ARHGAP26: variants seen among roughly 807,000 people sequenced by gnomAD.
ARHGAP26 encodes the protein Rho GTPase activating protein 26.
A neutral mutation model predicts 104.8 loss-of-function variants in ARHGAP26; 38 were observed. The ratio of observed to expected loss-of-function variants is 0.36; its 90% CI spans 0.28 to 0.48. The LOEUF is 0.48. ARHGAP26 is among the 20% of genes least tolerant of loss of function. The pLI is 0.99. For synonymous variants in ARHGAP26, 341 were observed against 340.0 expected (o/e 1.00, Z -0.03); for missense variants, 704 against 947.9 (o/e 0.74, Z 3.38).
At chr5:143,034,139 A>G (rs764725027) in intron 12 of ARHGAP26, among the ~76,000 whole-genome samples, 14 of 152,210 alleles carry the variant, frequency 9.2e-5, no homozygotes, top group Non-Finnish European at 1.8e-4. Flanking sequence ...ACCCTCGTAC[A>G]TTGCGGGTAG....
At chr5:143,149,585 G>A (rs1799567741) in intron 20 of ARHGAP26, among the ~76,000 whole-genome samples, 1 of 152,190 alleles carries the variant, frequency 6.6e-6, no homozygotes, top group Non-Finnish European at 1.5e-5. Context: ...TGGACCCACA[G>A]TACTTTCCCT....
chr5:143,142,436 G>A (rs372091961), intron 19 of ARHGAP26, among the ~76,000 whole-genome samples: 30 of 151,902 alleles, frequency 2.0e-4, no homozygotes, highest in South Asian at 6.2e-4. Context: ...CACTGCGCCC[G>A]GCCTACTTTT....
At position 143,204,329 on chromosome 5, in the gene ARHGAP26, C is replaced by T. The variant is rs544036895; in HGVS notation, c.1989-2869C>T. On this transcript the variant is annotated intron_variant, in intron 20 of 22. Coordinates refer to ENST00000645722, the MANE Select transcript of ARHGAP26 (RefSeq NM_001135608.3). ...CCTGAGGTCAGGAGTTCAAGACCAG[C>T]CTGACCAACATGGTGAAACCCTGTC... Among the ~76,000 whole-genome samples the T allele has an allele frequency of 1.5e-4, 23 of 152,198 alleles. No individual in the cohort carries two copies. The South Asian group carries it at 2.7e-3, about 18-fold the overall frequency.
At chr5:142,957,845 C>A (rs1436052062) in intron 11 of ARHGAP26, among the ~76,000 whole-genome samples, 1 of 152,264 alleles carries the variant, frequency 6.6e-6, no homozygotes, top group Non-Finnish European at 1.5e-5. Flanking sequence ...TCTCTTACCC[C>A]TTCCAGTTCT....
intron 18 of ARHGAP26, among the ~76,000 whole-genome samples, chr5:143,124,299 G>C (rs1047990307): frequency 6.6e-6 from 1 of 152,228 alleles, no homozygotes; most frequent in African/African-American, 2.4e-5. Flanking sequence ...CTAGCCATTG[G>C]AGCCACTCCA....
At chr5:143,131,069 T>G (rs1165116031) in intron 18 of ARHGAP26, among the ~76,000 whole-genome samples, 1 of 152,154 alleles carries the variant, frequency 6.6e-6, no homozygotes, top group Non-Finnish European at 1.5e-5. Flanking sequence ...ATGGCAAAAA[T>G]CTCCTTGTAG....
At position 143,224,139 on chromosome 5, in the gene ARHGAP26, T is replaced by C. The variant is rs1205280183; in HGVS notation, c.*1693T>C. The C allele has an allele frequency of 4.4e-6, 1 of 228,834 alleles. No individual in the cohort carries two copies. 14.2% of individuals were successfully genotyped at this position (228,834 alleles called of 1,614,324 possible). A position where few individuals can be genotyped will look rare whatever the true frequency, so the allele number is the denominator to read the frequency against. ...TTTTTTGAAAAGATAAACTTGTAAA[T>C]AGAGTGATTTGAAATACTATATGGC... On this transcript the variant is annotated 3_prime_UTR_variant, in exon 23 of 23. Coordinates refer to ENST00000645722, the MANE Select transcript of ARHGAP26 (RefSeq NM_001135608.3).
In ARHGAP26 at chr5:142,771,116, C is replaced by G. The variant is rs1056359670; in HGVS notation, c.154+201C>G. ...AGATGAAGAGAGAGACCCGTCGCTC[C>G]GCCTTTTGCGTTCAGGGATGGTCGG... On this transcript the variant is annotated intron_variant, in intron 1 of 22. Transcript: ENST00000645722. 1.7e-5 allele frequency: 23 copies of G among 1,317,474 alleles called. No individual in the cohort carries two copies. In the African/African-American group the frequency reaches 3.4e-4, roughly 19 times the overall value. 81.6% of individuals were successfully genotyped at this position (1,317,474 alleles called of 1,614,324 possible).
At chr5:143,120,573 A>G (rs73288151) in intron 17 of ARHGAP26, among the ~76,000 whole-genome samples, 8 of 152,222 alleles carry the variant, frequency 5.3e-5, no homozygotes, top group Non-Finnish European at 1.0e-4. Flanking sequence ...TATTAAAGCC[A>G]TCAAGAGGTT....
At chr5:142,812,486 C>T (rs1267552993) in intron 1 of ARHGAP26, among the ~76,000 whole-genome samples, 3 of 151,806 alleles carry the variant, frequency 2.0e-5, no homozygotes, top group African/African-American at 4.8e-5. Context: ...TACAGGTGTG[C>T]GCCACCATGC....
chr5:142,830,417 G>A (rs1397357598), intron 1 of ARHGAP26, among the ~76,000 whole-genome samples: 1 of 152,164 alleles, frequency 6.6e-6, no homozygotes, highest in Admixed American at 6.5e-5. Flanking sequence ...GTAGGAAGGG[G>A]AAGTGAAGGA....
chr5:142,849,862 G>A (rs893891673), intron 1 of ARHGAP26, among the ~76,000 whole-genome samples: 5 of 152,080 alleles, frequency 3.3e-5, no homozygotes, highest in African/African-American at 7.2e-5. Flanking sequence ...TGCTGTCCCC[G>A]TCATCCAGGC....
intron 1 of ARHGAP26, among the ~76,000 whole-genome samples, chr5:142,810,308 C>T (rs1763811645): frequency 6.6e-6 from 1 of 152,112 alleles, no homozygotes; most frequent in South Asian, 2.1e-4. Flanking sequence ...GCTAAGCTAC[C>T]ATGTATACAA....
rs752591382 is a variant in ARHGAP26, at chr5:142,890,151, A to AATATATATAT, written c.487-4050_487-4041dup. ...AACTCCGTCTTAAAAAAAAAAAAAA[A>AATATATATAT]ATATATATATATATATATATATATA... On this transcript the variant is annotated intron_variant, in intron 5 of 22. Coordinates refer to ENST00000645722, the MANE Select transcript of ARHGAP26 (RefSeq NM_001135608.3). Among the ~76,000 whole-genome samples the AATATATATAT allele has an allele frequency of 2.3e-3, 76 of 32,396 alleles. 1 individual carries two copies. Among genetic ancestry groups the AATATATATAT allele is most frequent in the Non-Finnish European group, 3.2e-3 (59 of 18,274 alleles). The allele number at this position is 32,396 out of a possible 152,430, so 21.3% of individuals were successfully genotyped here.
At chr5:142,833,895 C>CTAAATATAT (rs1769024436) in intron 1 of ARHGAP26, among the ~76,000 whole-genome samples, 1 of 152,144 alleles carries the variant, frequency 6.6e-6, no homozygotes, top group African/African-American at 2.4e-5. Context: ...ATATCTTGAC[C>CTAAATATAT]TTGGCGTTGG....
intron 17 of ARHGAP26, among the ~76,000 whole-genome samples, chr5:143,085,871 T>A (rs1302902018): frequency 6.6e-6 from 1 of 152,204 alleles, no homozygotes; most frequent in Admixed American, 6.5e-5. Context: ...TTGCTCAGAT[T>A]GTCTTACTTT....
chr5:142,979,137 C>T (rs961402228), intron 11 of ARHGAP26, among the ~76,000 whole-genome samples: 3 of 152,062 alleles, frequency 2.0e-5, no homozygotes, highest in Non-Finnish European at 4.4e-5. Flanking sequence ...ATTAATTTTG[C>T]TAGGTTTGAT....
chr5:142,839,309 A>C (rs1486141717), intron 1 of ARHGAP26, among the ~76,000 whole-genome samples: 1 of 152,148 alleles, frequency 6.6e-6, no homozygotes, highest in African/African-American at 2.4e-5. Flanking sequence ...CATAGCAAGC[A>C]CTTTACAAGT....
intron 1 of ARHGAP26, among the ~76,000 whole-genome samples, chr5:142,870,869 G>T (rs2152347125): frequency 6.6e-6 from 1 of 152,330 alleles, no homozygotes; most frequent in African/African-American, 2.4e-5. Context: ...TCACCCCATA[G>T]AATGCAAGTG....
Sources: allele counts gnomAD v4.1 joint callset (sites outside exome capture counted in the v4.1 genomes callset), GRCh38; gene constraint gnomAD v4.1.1; transcripts MANE v1.5; gene names NCBI Gene and HGNC (gene_info 2026-07-23, HGNC 2026-07-21).